Variants in ADRA1B observed in about 807,000 individuals in gnomAD.
The protein encoded by ADRA1B is adrenoceptor alpha 1B.
ADRA1B carries 17 observed loss-of-function variants against 17.9 expected under a neutral mutation model. The ratio of observed to expected loss-of-function variants is 0.95; its 90% CI spans 0.65 to 1.42. The LOEUF is 1.42. Ranked by LOEUF, ADRA1B falls within the 40% of genes most tolerant of loss-of-function variation. ADRA1B has a pLI of 0.00. For synonymous variants in ADRA1B, 366 were observed against 327.6 expected (o/e 1.12, Z -1.27); for missense variants, 681 against 722.1 (o/e 0.94, Z 0.65).
At chr5:159,962,439 AT>A (rs1755682534) in intron 1 of ADRA1B, among the ~76,000 whole-genome samples, 1 of 151,988 alleles carries the variant, frequency 6.6e-6, no homozygotes, top group Non-Finnish European at 1.5e-5. Context: ...ATCAGGTTTC[AT>A]TTTCATTTCA....
At chr5:159,986,095 G>A in the ADRA1B span, among the ~76,000 whole-genome samples, 1 of 152,208 alleles carries the variant, frequency 6.6e-6, no homozygotes, top group African/African-American at 2.4e-5. Context: ...TTTCACAGGT[G>A]AGGACTAATA....
chr5:159,939,306 T>A (rs1755050310), intron 1 of ADRA1B, among the ~76,000 whole-genome samples: 4 of 141,838 alleles, frequency 2.8e-5, no homozygotes, highest in African/African-American at 8.0e-5. Context: ...TGTGTGTGTG[T>A]GTGTGTGTGT....
chr5:159,957,074 G>A (rs1242271957), intron 1 of ADRA1B, among the ~76,000 whole-genome samples: 1 of 152,086 alleles, frequency 6.6e-6, no homozygotes, highest in African/African-American at 2.4e-5. Context: ...GTTTCACCAT[G>A]TTGGCCAGGC....
At chr5:159,911,519 A>G (rs1281650543), upstream of ADRA1B, among the ~76,000 whole-genome samples, 1 of 152,128 alleles carries the variant, frequency 6.6e-6, no homozygotes, top group East Asian at 1.9e-4. Flanking sequence ...CTTGCCAGTT[A>G]ATCTTTACCA....
downstream of ADRA1B, among the ~76,000 whole-genome samples, chr5:159,977,046 TG>T (rs1480232369): frequency 6.6e-6 from 1 of 152,226 alleles, no homozygotes; most frequent in East Asian, 1.9e-4. Flanking sequence ...TTATTAACTA[TG>T]GGGGACCTTG....
intron 1 of ADRA1B, among the ~76,000 whole-genome samples, chr5:159,959,166 G>A (rs750000734): frequency 3.3e-5 from 5 of 152,168 alleles, no homozygotes; most frequent in Non-Finnish European, 5.9e-5. Flanking sequence ...ATATTAACCC[G>A]TGTACTATGG....
intron 1 of ADRA1B, among the ~76,000 whole-genome samples, chr5:159,969,121 G>A (rs77406443): frequency 6.6e-5 from 10 of 152,260 alleles, no homozygotes; most frequent in Admixed American, 3.3e-4. Context: ...GTCACAAATC[G>A]GGTCACAAAA....
chr5:159,980,214 G>A, the ADRA1B span, among the ~76,000 whole-genome samples: 1 of 152,116 alleles, frequency 6.6e-6, no homozygotes, highest in East Asian at 1.9e-4. Flanking sequence ...GGCTGGATCG[G>A]TGGTCACAGA....
At chr5:159,982,566 C>T in the ADRA1B span, among the ~76,000 whole-genome samples, 1 of 152,088 alleles carries the variant, frequency 6.6e-6, no homozygotes, top group Admixed American at 6.6e-5. Flanking sequence ...TCCAAGATAA[C>T]ATGGTTTCTA....
intron 1 of ADRA1B, among the ~76,000 whole-genome samples, chr5:159,911,349 T>C (rs947027319): frequency 1.3e-5 from 2 of 152,218 alleles, no homozygotes; most frequent in Non-Finnish European, 2.9e-5. Context: ...TAAGAGAGAA[T>C]GGATCTGCTC....
chr5:159,945,736 G>T (rs1755250401), intron 1 of ADRA1B, among the ~76,000 whole-genome samples: 1 of 147,008 alleles, frequency 6.8e-6, no homozygotes, highest in African/African-American at 2.4e-5. Flanking sequence ...TTTCTGGTGG[G>T]TTTTTTTGTT....
At chr5:159,872,086 G>A (rs560885665) in intron 1 of ADRA1B, among the ~76,000 whole-genome samples, 2 of 152,128 alleles carry the variant, frequency 1.3e-5, no homozygotes, top group Non-Finnish European at 2.9e-5. Context: ...CTCTACATGA[G>A]TGACGATTAA....
At chr5:159,989,033 G>T in the ADRA1B span, among the ~76,000 whole-genome samples, 7 of 152,200 alleles carry the variant, frequency 4.6e-5, no homozygotes, top group Non-Finnish European at 1.0e-4. Context: ...GCCTAGAAAT[G>T]GATTTTTTTG....
At chr5:159,959,630 T>C (rs1755627524) in intron 1 of ADRA1B, among the ~76,000 whole-genome samples, 3 of 152,210 alleles carry the variant, frequency 2.0e-5, no homozygotes, top group Non-Finnish European at 4.4e-5. Context: ...TGAAATTACA[T>C]GGCACTGAAT....
At chr5:159,973,395 C>T (rs1381321879), downstream of ADRA1B, among the ~76,000 whole-genome samples, 8 of 152,168 alleles carry the variant, frequency 5.3e-5, no homozygotes, top group Non-Finnish European at 4.4e-5. Flanking sequence ...TCCCTAGACC[C>T]AACCCCAGCT....
intron 1 of ADRA1B, among the ~76,000 whole-genome samples, chr5:159,963,295 T>TATATATATATAA (rs1207736391): frequency 6.7e-6 from 1 of 150,132 alleles, no homozygotes; most frequent in Non-Finnish European, 1.5e-5. Context: ...AAAGTATATA[T>TATATATATATAA]ATATATATAT....
chr5:159,874,324 T>G (rs991484566), intron 1 of ADRA1B, among the ~76,000 whole-genome samples: 3 of 152,154 alleles, frequency 2.0e-5, no homozygotes, highest in Non-Finnish European at 2.9e-5. Context: ...ATGAAATAAA[T>G]TCCTTATTTT....
At chr5:159,968,583 C>CA (rs1315355150) in intron 1 of ADRA1B, among the ~76,000 whole-genome samples, 2 of 152,172 alleles carry the variant, frequency 1.3e-5, no homozygotes, top group Non-Finnish European at 2.9e-5. Context: ...CTTCGCCTTC[C>CA]AAAGTGCTGG....
intron 1 of ADRA1B, among the ~76,000 whole-genome samples, chr5:159,922,682 A>G (rs1760543233): frequency 1.3e-5 from 2 of 151,898 alleles, no homozygotes; most frequent in African/African-American, 2.4e-5. Context: ...CACCCCAACC[A>G]AAAGAAAAAG....
Sources: gnomAD v4.1 joint callset for allele counts (sites outside exome capture counted in the v4.1 genomes callset) on GRCh38, gnomAD v4.1.1 for gene constraint, MANE v1.5 for transcripts, NCBI Gene and HGNC (gene_info 2026-07-23, HGNC 2026-07-21) for gene names.